PTPRT: variants seen among roughly 807,000 people sequenced by gnomAD.
PTPRT encodes receptor-type tyrosine-protein phosphatase T.
Under a neutral mutation model 176.8 loss-of-function variants are expected in PTPRT, and 56 were observed. The observed-to-expected ratio is 0.32, with a 90% confidence interval of 0.26 to 0.40. The LOEUF (loss-of-function observed/expected upper bound fraction) is 0.40. Among genes scored for constraint, PTPRT ranks in the 10% least tolerant of loss-of-function variants. PTPRT has a pLI of 1.00. For synonymous variants in PTPRT, 783 were observed against 739.0 expected (o/e 1.06, Z -0.96); for missense variants, 1,540 against 1,908.2 (o/e 0.81, Z 3.60).
At chr20:42,856,809 C>A (rs2078571559) in intron 2 of PTPRT, among the ~76,000 whole-genome samples, 1 of 151,986 alleles carries the variant, frequency 6.6e-6, no homozygotes, top group Admixed American at 6.6e-5. Flanking sequence ...AGCTTAGACC[C>A]CAACCTGACC....
Position 42,115,116 on chromosome 20 carries a change from C to A in PTPRT, c.3099+83G>T, listed in dbSNP as rs529327869. 14 of 1,004,022 alleles carry A rather than the reference C, an allele frequency of 1.4e-5. No individual in the cohort carries two copies. The Admixed American group carries it at 1.9e-4, about 14-fold the overall frequency. 62.2% of individuals were successfully genotyped at this position (1,004,022 alleles called of 1,614,324 possible). A position where few individuals can be genotyped will look rare whatever the true frequency, so the allele number is the denominator to read the frequency against. ...AGTATGGGGCTGGACGTAGAGCAGA[C>A]CCTCAGTTACCACATGTTCTGGATG... On this transcript the variant is annotated intron_variant, in intron 22 of 30. Coordinates refer to ENST00000373187, the MANE Select transcript of PTPRT (RefSeq NM_007050.6).
At chr20:42,213,780 T>C (rs2055703493) in intron 15 of PTPRT, among the ~76,000 whole-genome samples, 1 of 152,074 alleles carries the variant, frequency 6.6e-6, no homozygotes, top group Non-Finnish European at 1.5e-5. Context: ...CATGGCACCA[T>C]TCTATTTAGA....
At chr20:42,448,630 G>A (rs2070773302) in intron 8 of PTPRT, among the ~76,000 whole-genome samples, 1 of 152,072 alleles carries the variant, frequency 6.6e-6, no homozygotes, top group Non-Finnish European at 1.5e-5. Flanking sequence ...TTTTCAGAAG[G>A]CTGATCAGGC....
intron 1 of PTPRT, among the ~76,000 whole-genome samples, chr20:43,085,344 G>A (rs963937376): frequency 6.6e-6 from 1 of 152,040 alleles, no homozygotes; most frequent in African/African-American, 2.4e-5. Flanking sequence ...GGCTAGTGAT[G>A]ACAAAGCCAC....
intron 8 of PTPRT, among the ~76,000 whole-genome samples, chr20:42,448,799 A>T (rs539151809): frequency 6.6e-6 from 1 of 152,220 alleles, no homozygotes; most frequent in East Asian, 1.9e-4. Context: ...ACATTGGAAG[A>T]AGAATTATTA....
At chr20:42,239,416 T>TC (rs2056308651) in intron 14 of PTPRT, among the ~76,000 whole-genome samples, 1 of 121,660 alleles carries the variant, frequency 8.2e-6, no homozygotes, top group African/African-American at 3.7e-5. Flanking sequence ...TTTCTTTCTT[T>TC]TTTTTTTTTT....
In PTPRT at chr20:42,384,077, T is replaced by A. The variant is rs1600929825; in HGVS notation, c.1561-31792A>T. On this transcript the variant is annotated intron_variant, in intron 9 of 30. Coordinates refer to ENST00000373187, the MANE Select transcript of PTPRT (RefSeq NM_007050.6). ...GGGCACATGGTCCAAATCAGGTGAA[T>A]ACCTTGCAATGTTGTGAGTTCCTGT... 2.0e-5 allele frequency among the ~76,000 whole-genome samples: 3 copies of A among 152,328 alleles called. No individual in the cohort carries two copies. In the South Asian group the frequency reaches 6.2e-4, roughly 32 times the overall value.
At chr20:43,013,820 C>A (rs1347365302) in intron 1 of PTPRT, among the ~76,000 whole-genome samples, 1 of 152,146 alleles carries the variant, frequency 6.6e-6, no homozygotes, top group Non-Finnish European at 1.5e-5. Flanking sequence ...AGAAAGGGCT[C>A]CAGGCAGACA....
chr20:42,968,992 TG>T (rs1295400122), intron 1 of PTPRT: 1 of 152,120 alleles, frequency 6.6e-6, no homozygotes, highest in Non-Finnish European at 1.5e-5. Context: ...TGCCTGAAAA[TG>T]ACTGATAGGA....
intron 7 of PTPRT, among the ~76,000 whole-genome samples, chr20:42,530,184 A>G (rs2072356188): frequency 6.6e-6 from 1 of 152,210 alleles, no homozygotes; most frequent in South Asian, 2.1e-4. Context: ...ATTCACTGAG[A>G]AATTAGAAGT....
chr20:42,190,368 C>T (rs1005113954), intron 16 of PTPRT, among the ~76,000 whole-genome samples: 1 of 152,176 alleles, frequency 6.6e-6, no homozygotes, highest in Non-Finnish European at 1.5e-5. Context: ...TTGAGATTCC[C>T]AGATTCGGGG....
intron 9 of PTPRT, among the ~76,000 whole-genome samples, chr20:42,426,409 T>G (rs559442639): frequency 6.6e-6 from 1 of 152,234 alleles, no homozygotes; most frequent in East Asian, 1.9e-4. Flanking sequence ...GAAGGTCATC[T>G]TCCCACTCCA....
chr20:42,839,280 C>T lies in PTPRT; in HGVS notation c.214+46527G>A, dbSNP rs1399165742. On this transcript the variant is annotated intron_variant, in intron 2 of 30. Transcript: ENST00000373187. The stretch of plus-strand genomic sequence containing the variant: ...GCTCTCTCAATGTCACTCTGAAGCT[C>T]GGGCACACTTACTCTGTGTTCACTC... Among the ~76,000 whole-genome samples the T allele has an allele frequency of 5.3e-5, 8 of 150,642 alleles. No homozygotes were observed. In the East Asian group the frequency reaches 1.2e-3, roughly 22 times the overall value.
At chr20:43,128,674 G>A (rs547533585) in intron 1 of PTPRT, among the ~76,000 whole-genome samples, 20 of 152,328 alleles carry the variant, frequency 1.3e-4, no homozygotes, top group African/African-American at 4.3e-4. Flanking sequence ...GCTCCTGGCC[G>A]AATGGACTTG....
At chr20:42,344,855 G>T (rs753414721) in intron 11 of PTPRT, among the ~76,000 whole-genome samples, 1 of 151,910 alleles carries the variant, frequency 6.6e-6, no homozygotes, top group Non-Finnish European at 1.5e-5. Context: ...GCTACTTGTG[G>T]CTCCCCAAAC....
At chr20:42,805,617 T>C (rs553713169) in intron 2 of PTPRT, among the ~76,000 whole-genome samples, 20 of 152,218 alleles carry the variant, frequency 1.3e-4, no homozygotes, top group Non-Finnish European at 2.1e-4. Flanking sequence ...ATAGGGCTCC[T>C]GTAGACGCCC....
chr20:43,076,671 C>T (rs891069944), intron 1 of PTPRT, among the ~76,000 whole-genome samples: 24 of 152,134 alleles, frequency 1.6e-4, no homozygotes, highest in African/African-American at 5.1e-4. Flanking sequence ...CACCCATTAC[C>T]CCCACCTCTA....
At chr20:42,439,529 G>A (rs2059293451) in intron 9 of PTPRT, among the ~76,000 whole-genome samples, 1 of 152,224 alleles carries the variant, frequency 6.6e-6, no homozygotes, top group African/African-American at 2.4e-5. Context: ...CTTAGCAACT[G>A]CCTGTGTATG....
chr20:43,019,278 C>A (rs1364988282), intron 1 of PTPRT, among the ~76,000 whole-genome samples: 2 of 152,214 alleles, frequency 1.3e-5, no homozygotes, highest in Non-Finnish European at 2.9e-5. Flanking sequence ...CAAAACCCAT[C>A]CCATTTCTGC....
Sources: allele counts gnomAD v4.1 joint callset (sites outside exome capture counted in the v4.1 genomes callset), GRCh38; gene constraint gnomAD v4.1.1; transcripts MANE v1.5; gene names NCBI Gene and HGNC (gene_info 2026-07-23, HGNC 2026-07-21).